ICA1: variants seen among roughly 807,000 people sequenced by gnomAD.
The protein encoded by ICA1 is 69 kDa islet cell autoantigen.
Under a neutral mutation model 71.0 loss-of-function variants are expected in ICA1, and 40 were observed. That is an observed-to-expected ratio of 0.56 (90% CI 0.44 to 0.73). The LOEUF (loss-of-function observed/expected upper bound fraction) is 0.73. Among genes scored for constraint, ICA1 ranks in the 30% least tolerant of loss-of-function variants. The pLI, the probability that ICA1 is intolerant of heterozygous loss-of-function variation, is 0.00. For synonymous variants in ICA1, 207 were observed against 209.5 expected, an observed-to-expected ratio of 0.99 and a Z score of 0.10; for missense variants, 578 against 576.5, an observed-to-expected ratio of 1.00 and a Z score of -0.03.
At position 8,138,824 on chromosome 7, in the gene ICA1, A is replaced by G; in HGVS notation, c.1060+16T>C. On this transcript the variant is annotated intron_variant, in intron 12 of 13. Transcript: ENST00000402384. ...ATCAAACAAATCATAATCCCAAAGA[A>G]ACACATAAATCTTACCACCTTCCTC... 4 of 1,564,002 alleles carry G rather than the reference A, an allele frequency of 2.6e-6. No individual in the cohort carries two copies. The highest frequency in any genetic ancestry group is 3.5e-6 in the Non-Finnish European group (4 of 1,138,510).
chr7:8,138,952 T>C, intron 11 of ICA1, 33 bp downstream of exon 11: 1 of 1,601,896 alleles, frequency 6.2e-7, no homozygotes, highest in Non-Finnish European at 8.6e-7. Context: ...GTCAAATAAT[T>C]AAAATTGAGT....
At chr7:8,244,055 CTACTT>C (rs1804982810) in intron 1 of ICA1, among the ~76,000 whole-genome samples, 2 of 151,120 alleles carry the variant, frequency 1.3e-5, no homozygotes, top group African/African-American at 2.4e-5. Context: ...TGGAAAAAAA[CTACTT>C]TAAAGTTCAT....
chr7:8,179,835 C>T (rs1184502432), intron 6 of ICA1, among the ~76,000 whole-genome samples: 4 of 151,996 alleles, frequency 2.6e-5, no homozygotes, highest in Admixed American at 6.6e-5. Context: ...TGGTAAAGAA[C>T]TTAAAAAGTT....
chr7:8,131,210 G>A (rs570048377), intron 12 of ICA1, among the ~76,000 whole-genome samples: 1 of 152,358 alleles, frequency 6.6e-6, no homozygotes, highest in African/African-American at 2.4e-5. Flanking sequence ...AAGAAGTGGA[G>A]AGAGAATCCT....
At chr7:8,177,879 T>C (rs1781083115) in intron 6 of ICA1, among the ~76,000 whole-genome samples, 1 of 152,202 alleles carries the variant, frequency 6.6e-6, no homozygotes. Flanking sequence ...CATTATGCTG[T>C]CACTGAATAC....
intron 6 of ICA1, 38 bp downstream of exon 6, chr7:8,218,267 C>T: frequency 3.2e-6 from 5 of 1,558,656 alleles, no homozygotes; most frequent in Non-Finnish European, 4.4e-6. Flanking sequence ...TACCTTCCAG[C>T]AGGTACCCCT....
intron 6 of ICA1, among the ~76,000 whole-genome samples, chr7:8,191,036 TCAG>T (rs1785414248): frequency 6.6e-6 from 1 of 152,134 alleles, no homozygotes; most frequent in Non-Finnish European, 1.5e-5. Context: ...TAGTTACAGG[TCAG>T]CAGATGTGAG....
chr7:8,141,046 C>T (rs1323342773), intron 10 of ICA1, among the ~76,000 whole-genome samples: 2 of 152,198 alleles, frequency 1.3e-5, no homozygotes, highest in African/African-American at 4.8e-5. Flanking sequence ...AACATTCCCC[C>T]GCATCTCCGA....
At chr7:8,239,626 G>A (rs574440737) in intron 1 of ICA1, among the ~76,000 whole-genome samples, 3 of 152,154 alleles carry the variant, frequency 2.0e-5, no homozygotes, top group Non-Finnish European at 4.4e-5. Context: ...AGGGGTCGGG[G>A]GATTTCCCTT....
chr7:8,212,648 G>C (rs908641307), intron 6 of ICA1, among the ~76,000 whole-genome samples: 4 of 152,150 alleles, frequency 2.6e-5, no homozygotes, highest in Non-Finnish European at 5.9e-5. Context: ...TGAGAAAACT[G>C]CAATAGGCCT....
At chr7:8,116,874 C>T (rs1325850518) in intron 13 of ICA1, among the ~76,000 whole-genome samples, 3 of 152,160 alleles carry the variant, frequency 2.0e-5, no homozygotes, top group Admixed American at 6.5e-5. Context: ...AGAAATCCCT[C>T]GTTAACTTTA....
In ICA1 at chr7:8,113,570, T is replaced by C. The variant is rs1219476293; in HGVS notation, c.*353A>G. 2 of 192,586 alleles carry C rather than the reference T, an allele frequency of 1.0e-5. No individual in the cohort carries two copies. The highest frequency in any genetic ancestry group is 2.2e-5 in the Non-Finnish European group (2 of 91,834). The allele number at this position is 192,586 out of a possible 1,614,324, so 11.9% of individuals were successfully genotyped here. A position where few individuals can be genotyped will look rare whatever the true frequency, so the allele number is the denominator to read the frequency against. On this transcript the variant is annotated 3_prime_UTR_variant, in exon 14 of 14. Transcript: ENST00000402384. This position sits in a 1 kb window ranked among gnomAD's most constrained non-coding sequence, Gnocchi z 4.2. ...TAGCCTCCTGCTGCCTCTGAGGCTG[T>C]AGGACACGTCATTCAAACCTACCAT...
chr7:8,140,118 T>C (rs1241763287), intron 10 of ICA1, among the ~76,000 whole-genome samples: 1 of 152,226 alleles, frequency 6.6e-6, no homozygotes, highest in Non-Finnish European at 1.5e-5. Context: ...ATTTATAACT[T>C]GCATACAAAT....
chr7:8,193,031 T>C (rs1386735734), intron 6 of ICA1, among the ~76,000 whole-genome samples: 1 of 152,186 alleles, frequency 6.6e-6, no homozygotes, highest in Non-Finnish European at 1.5e-5. Flanking sequence ...TTCCTTTTAG[T>C]GGAGGGTATG....
chr7:8,140,549 T>C (rs1305461023), intron 10 of ICA1, among the ~76,000 whole-genome samples: 1 of 152,214 alleles, frequency 6.6e-6, no homozygotes, highest in Non-Finnish European at 1.5e-5. Context: ...ATTACTTTGG[T>C]AATGATTAGA....
intron 12 of ICA1, among the ~76,000 whole-genome samples, 200 bp from the exon 13 acceptor site, chr7:8,128,342 C>T (rs1396921995): frequency 6.6e-6 from 1 of 152,152 alleles, no homozygotes; most frequent in African/African-American, 2.4e-5. Context: ...TTCCCTTGTC[C>T]CCTGTCCTCC....
At chr7:8,156,919 C>T in intron 8 of ICA1, 197 bp downstream of exon 8, 1 of 1,526,016 alleles carries the variant, frequency 6.6e-7, no homozygotes, top group Non-Finnish European at 8.8e-7. Context: ...TGTATTGAAT[C>T]CTGATGCAGT....
intron 6 of ICA1, among the ~76,000 whole-genome samples, chr7:8,209,534 T>C (rs1199545722): frequency 6.6e-6 from 1 of 152,228 alleles, no homozygotes; most frequent in Non-Finnish European, 1.5e-5. Context: ...TTATTTATTA[T>C]GCAATTTGGG....
chr7:8,124,732 T>C (rs990181414), intron 13 of ICA1, among the ~76,000 whole-genome samples: 34 of 152,318 alleles, frequency 2.2e-4, no homozygotes, highest in Admixed American at 1.4e-3. Context: ...AGGTATTCCA[T>C]TGGCAGCTGT....
Sources: allele counts gnomAD v4.1 joint callset (sites outside exome capture counted in the v4.1 genomes callset), GRCh38; gene constraint gnomAD v4.1.1; non-coding constraint Gnocchi (gnomAD v3.1); transcripts MANE v1.5; gene names NCBI Gene and HGNC (gene_info 2026-07-23, HGNC 2026-07-21).